Variants in DLC1 observed in about 807,000 individuals in gnomAD.
DLC1 encodes rho GTPase-activating protein 7.
A neutral mutation model predicts 140.3 loss-of-function variants in DLC1; 54 were observed. The observed-to-expected ratio is 0.38, with a 90% confidence interval of 0.31 to 0.48. DLC1 has a LOEUF of 0.48. Among genes scored for constraint, DLC1 ranks in the 20% least tolerant of loss-of-function variants. The pLI, the probability that DLC1 is intolerant of heterozygous loss-of-function variation, is 0.96. For missense variants in DLC1, 2,536 were observed against 1,907.0 expected, an observed-to-expected ratio of 1.33 and a Z score of -6.14; for synonymous variants, 986 against 728.1, an observed-to-expected ratio of 1.35 and a Z score of -5.70.
chr8:13,573,386 G>T (rs1443718514), intron 1 of DLC1, among the ~76,000 whole-genome samples: 2 of 152,126 alleles, frequency 1.3e-5, no homozygotes, highest in African/African-American at 4.8e-5. Flanking sequence ...GGTTTTCTAG[G>T]TATAAGAGTG....
At chr8:13,452,841 C>T (rs973543455) in intron 2 of DLC1, among the ~76,000 whole-genome samples, 3 of 152,158 alleles carry the variant, frequency 2.0e-5, no homozygotes, top group African/African-American at 4.8e-5. Context: ...GATACTCTAA[C>T]ATCAAAATAT....
intron 5 of DLC1, chr8:13,276,446 C>T (rs1054907357): frequency 7.1e-7 from 1 of 1,410,790 alleles, no homozygotes; most frequent in African/African-American, 1.5e-5. Flanking sequence ...GCGACCATGC[C>T]TCGGTACTCC....
chr8:13,404,927 A>T (rs1049467241), intron 2 of DLC1, among the ~76,000 whole-genome samples: 1 of 152,054 alleles, frequency 6.6e-6, no homozygotes, highest in South Asian at 2.1e-4. Flanking sequence ...GAGTCGCTTG[A>T]ACCTGGGAGG....
intron 10 of DLC1, among the ~76,000 whole-genome samples, chr8:13,098,110 A>G (rs1161327778): frequency 1.3e-5 from 2 of 150,310 alleles, no homozygotes; most frequent in Non-Finnish European, 3.0e-5. Flanking sequence ...TCAGGAGTCC[A>G]GCCACTCTGG....
At chr8:13,461,303 T>C (rs1799645263) in intron 2 of DLC1, among the ~76,000 whole-genome samples, 1 of 152,260 alleles carries the variant, frequency 6.6e-6, no homozygotes, top group Non-Finnish European at 1.5e-5. Context: ...ATGTGTCTTA[T>C]GGAGATTTCT....
intron 1 of DLC1, chr8:13,566,837 GT>G: frequency 9.8e-7 from 1 of 1,015,434 alleles, no homozygotes; most frequent in Non-Finnish European, 1.4e-6. Flanking sequence ...AGCGGCCCGC[GT>G]TGCCAAGACA....
chr8:13,401,673 A>T (rs557373469), intron 2 of DLC1, 54 bp from the exon 3 acceptor site: 2 of 1,575,196 alleles, frequency 1.3e-6, no homozygotes, highest in African/African-American at 1.4e-5. Flanking sequence ...CTTAATAAGA[A>T]TAAAAAGTTC....
In DLC1 at chr8:13,396,468, G is replaced by T. The variant is rs183300531; in HGVS notation, c.1174-2775C>A. ...GAAATAATAACTTTTAAAAACTACCGTTTATTGCATTTTTACCTTTCACAG... is the reference window on the plus strand; with the variant it reads ...GAAATAATAACTTTTAAAAACTACCTTTTATTGCATTTTTACCTTTCACAG... On this transcript the variant is annotated intron_variant, in intron 3 of 17. Transcript: ENST00000276297. Among the ~76,000 whole-genome samples the T allele has an allele frequency of 3.2e-3, 490 of 152,160 alleles. 4 individuals carry two copies. Among genetic ancestry groups the T allele is most frequent in the Middle Eastern group, 0.01 (3 of 294 alleles).
chr8:13,493,036 G>A lies in DLC1; in HGVS notation c.1023+6013C>T, dbSNP rs573566441. Among the ~76,000 whole-genome samples, 27 of 152,266 alleles carry A rather than the reference G, an allele frequency of 1.8e-4. No homozygotes were observed. In the East Asian group the frequency reaches 4.8e-3, roughly 27 times the overall value. Reference sequence around the variant, plus strand: ...ATATGTTGGATAAGAACTGTCACAGGAACTTGTTATGAATTTACACACCAA... The same window carrying A: ...ATATGTTGGATAAGAACTGTCACAGAAACTTGTTATGAATTTACACACCAA... On this transcript the variant is annotated intron_variant, in intron 2 of 17. Transcript: ENST00000276297.
intron 16 of DLC1, 26 bp downstream of exon 16, chr8:13,088,461 C>CA (rs1307461204): frequency 4.3e-6 from 7 of 1,612,704 alleles, no homozygotes; most frequent in African/African-American, 1.3e-5. Flanking sequence ...ATCCTTGTCA[C>CA]AAAAAAACAA....
intron 1 of DLC1, among the ~76,000 whole-genome samples, chr8:13,579,771 GT>G (rs1168680281): frequency 6.6e-6 from 1 of 151,266 alleles, no homozygotes; most frequent in Non-Finnish European, 1.5e-5. Flanking sequence ...ACATTTTGTA[GT>G]GTCCTAGTGA....
chr8:13,226,587 G>C (rs1828803762), intron 5 of DLC1, among the ~76,000 whole-genome samples: 1 of 152,188 alleles, frequency 6.6e-6, no homozygotes, highest in East Asian at 1.9e-4. Flanking sequence ...TCCTTAAGGG[G>C]TGTTAATAGC....
intron 7 of DLC1, among the ~76,000 whole-genome samples, chr8:13,108,515 T>C (rs755674348): frequency 1.4e-4 from 21 of 152,184 alleles, no homozygotes; most frequent in Non-Finnish European, 2.2e-4. Flanking sequence ...CCAGTGTAAA[T>C]TGCAAAGTAC....
At chr8:13,256,793 G>C (rs1036408749) in intron 5 of DLC1, among the ~76,000 whole-genome samples, 2 of 150,736 alleles carry the variant, frequency 1.3e-5, no homozygotes. Context: ...AACCCTAGAT[G>C]ATGGGTTGAT....
chr8:13,174,617 G>A (rs1410194254), intron 5 of DLC1, among the ~76,000 whole-genome samples: 1 of 152,150 alleles, frequency 6.6e-6, no homozygotes, highest in Non-Finnish European at 1.5e-5. Flanking sequence ...CTGATGATTA[G>A]TGATGATAAG....
At chr8:13,453,678 T>C (rs1164236915) in intron 2 of DLC1, among the ~76,000 whole-genome samples, 2 of 148,468 alleles carry the variant, frequency 1.3e-5, no homozygotes, top group Non-Finnish European at 3.0e-5. Context: ...TCAAAAGAAT[T>C]TATAGAAATG....
At chr8:13,154,510 C>T (rs904904757) in intron 5 of DLC1, among the ~76,000 whole-genome samples, 4 of 152,222 alleles carry the variant, frequency 2.6e-5, no homozygotes, top group East Asian at 1.9e-4. Context: ...CTGCCGAGCC[C>T]GAGCCCATCC....
intron 2 of DLC1, among the ~76,000 whole-genome samples, chr8:13,453,259 A>T (rs1326008385): frequency 6.8e-6 from 1 of 147,972 alleles, no homozygotes; most frequent in Non-Finnish European, 1.5e-5. Flanking sequence ...AAGACTAAAG[A>T]TTCATTTTAT....
chr8:13,349,098 T>C (rs1172840713), intron 4 of DLC1, among the ~76,000 whole-genome samples: 1 of 152,152 alleles, frequency 6.6e-6, no homozygotes, highest in Non-Finnish European at 1.5e-5. Context: ...GACAGGAAGT[T>C]TACTCTCTGG....
Sources: gnomAD v4.1 joint callset for allele counts (sites outside exome capture counted in the v4.1 genomes callset) on GRCh38, gnomAD v4.1.1 for gene constraint, MANE v1.5 for transcripts, NCBI Gene and HGNC (gene_info 2026-07-23, HGNC 2026-07-21) for gene names.